Variants in ARHGAP26 observed in about 807,000 individuals in gnomAD.
ARHGAP26 encodes the protein Rho GTPase activating protein 26, also known as rho GTPase-activating protein 26.
A neutral mutation model predicts 104.8 loss-of-function variants in ARHGAP26; 38 were observed. The ratio of observed to expected loss-of-function variants is 0.36; its 90% CI spans 0.28 to 0.48. The LOEUF (loss-of-function observed/expected upper bound fraction) is 0.48. Ranked by LOEUF, ARHGAP26 falls within the 20% of genes least tolerant of loss-of-function variation. ARHGAP26 has a pLI of 0.99. For missense variants in ARHGAP26, 704 were observed against 947.9 expected (o/e 0.74, Z 3.38); for synonymous variants, 341 against 340.0 (o/e 1.00, Z -0.03).
intron 11 of ARHGAP26, among the ~76,000 whole-genome samples, chr5:143,011,406 A>G (rs1398530431): frequency 6.6e-6 from 1 of 150,896 alleles, no homozygotes; most frequent in Non-Finnish European, 1.5e-5. Flanking sequence ...GTAATTGGAA[A>G]GTTTTATGAG....
chr5:143,183,793 C>A (rs148453610), intron 20 of ARHGAP26, among the ~76,000 whole-genome samples: 376 of 152,292 alleles, frequency 2.5e-3, no homozygotes, highest in African/African-American at 8.4e-3. Context: ...CCTGTGGCTC[C>A]TCAGCAGTGT....
At chr5:143,005,589 AAC>A (rs1777831889) in intron 11 of ARHGAP26, among the ~76,000 whole-genome samples, 1 of 152,232 alleles carries the variant, frequency 6.6e-6, no homozygotes, top group East Asian at 1.9e-4. Flanking sequence ...ATGGATGTTG[AAC>A]AGTAGTATTC....
At chr5:143,188,397 G>A (rs1805454023) in intron 20 of ARHGAP26, among the ~76,000 whole-genome samples, 1 of 152,190 alleles carries the variant, frequency 6.6e-6, no homozygotes, top group Non-Finnish European at 1.5e-5. Context: ...TCTTGCTAAT[G>A]TTAGGACTTG....
At chr5:143,196,865 G>A (rs1203405950) in intron 20 of ARHGAP26, among the ~76,000 whole-genome samples, 1 of 152,152 alleles carries the variant, frequency 6.6e-6, no homozygotes, top group South Asian at 2.1e-4. Context: ...ACATGTCCTC[G>A]GATGACCTCA....
chr5:143,110,657 G>A (rs975024713), intron 17 of ARHGAP26, among the ~76,000 whole-genome samples: 1 of 152,192 alleles, frequency 6.6e-6, no homozygotes, highest in African/African-American at 2.4e-5. Flanking sequence ...GATAATGAAT[G>A]TGGAAGCATT....
intron 3 of ARHGAP26, among the ~76,000 whole-genome samples, chr5:142,877,348 G>C (rs10515517): frequency 6.6e-6 from 1 of 152,118 alleles, no homozygotes; most frequent in South Asian, 2.1e-4. Flanking sequence ...TTAACATCCA[G>C]TTCGTGCTTC....
chr5:143,045,115 A>G (rs1784042774), intron 14 of ARHGAP26, among the ~76,000 whole-genome samples: 1 of 152,204 alleles, frequency 6.6e-6, no homozygotes, highest in Admixed American at 6.5e-5. Context: ...TGTTTTTATC[A>G]CTTTTCTTAG....
At chr5:142,828,100 G>A (rs537574211) in intron 1 of ARHGAP26, among the ~76,000 whole-genome samples, 1 of 152,296 alleles carries the variant, frequency 6.6e-6, no homozygotes, top group African/African-American at 2.4e-5. Flanking sequence ...CCTGGATCAA[G>A]TTTCCTCTAC....
At chr5:143,162,398 C>T (rs1801374552) in intron 20 of ARHGAP26, among the ~76,000 whole-genome samples, 1 of 152,074 alleles carries the variant, frequency 6.6e-6, no homozygotes, top group Admixed American at 6.6e-5. Flanking sequence ...CATGACAGCA[C>T]TTAAAATGTT....
chr5:142,953,128 T>C (rs553104337), intron 11 of ARHGAP26, among the ~76,000 whole-genome samples: 1 of 152,316 alleles, frequency 6.6e-6, no homozygotes, highest in South Asian at 2.1e-4. Context: ...CTTGACAAAA[T>C]GAACGCCCAC....
intron 11 of ARHGAP26, among the ~76,000 whole-genome samples, chr5:142,941,578 T>G (rs1237333944): frequency 6.6e-6 from 1 of 152,214 alleles, no homozygotes; most frequent in Non-Finnish European, 1.5e-5. Context: ...TTGTGTCATG[T>G]GAGTGCTTTT....
At chr5:142,893,474 G>C (rs1293802422) in intron 5 of ARHGAP26, among the ~76,000 whole-genome samples, 1 of 152,138 alleles carries the variant, frequency 6.6e-6, no homozygotes, top group African/African-American at 2.4e-5. Context: ...ATAGCAGTCT[G>C]TGTGTGTGTA....
chr5:142,903,632 C>A lies in ARHGAP26; in HGVS notation c.795C>A (p.Pro265=). ...ENPLEHKTIS[P]YTMEGYLYVQ... is the part of the protein sequence containing the mutation. ...CCCTTGAGCACAAGACCATCAGTCC[C>A]TACACCATGGAGGGATACCTCTACG... The change falls in exon 8 of 23, where the codon CCC becomes CCA. Residue 265 remains proline, a synonymous_variant. Coordinates refer to ENST00000645722, the MANE Select transcript of ARHGAP26 (RefSeq NM_001135608.3). 1 of 1,614,020 alleles carries A rather than the reference C, an allele frequency of 6.2e-7. No homozygotes were observed. Among genetic ancestry groups the A allele is most frequent in the Non-Finnish European group, 8.5e-7 (1 of 1,179,942 alleles).
At chr5:142,772,731 T>A (rs1474412121) in intron 1 of ARHGAP26, 1 of 533,080 alleles carries the variant, frequency 1.9e-6, no homozygotes, top group Non-Finnish European at 3.8e-6. Context: ...AGAGATGGAG[T>A]CCCTGCCAGT....
At chr5:142,997,401 C>A (rs1333048621) in intron 11 of ARHGAP26, among the ~76,000 whole-genome samples, 1 of 151,886 alleles carries the variant, frequency 6.6e-6, no homozygotes, top group East Asian at 1.9e-4. Context: ...TATCATTTTC[C>A]TTTTTCTTTT....
intron 11 of ARHGAP26, among the ~76,000 whole-genome samples, chr5:142,988,589 T>C (rs897359913): frequency 6.6e-6 from 1 of 152,212 alleles, no homozygotes; most frequent in Admixed American, 6.5e-5. Context: ...TGTTAGGGTG[T>C]CAATTTTAGA....
At chr5:143,106,576 G>A (rs1218708004) in intron 17 of ARHGAP26, among the ~76,000 whole-genome samples, 1 of 148,092 alleles carries the variant, frequency 6.8e-6, no homozygotes, top group South Asian at 2.2e-4. Context: ...GGGTTCAGGC[G>A]ATTCTCCTGC....
rs73290433 is a variant in ARHGAP26, at chr5:142,942,557, T to C, written c.1107+10432T>C. On this transcript the variant is annotated intron_variant, in intron 11 of 22. Transcript: ENST00000645722. ...CTGCATTCATATTTGAAGGAAACAA[T>C]AAATTTAGAAGTTAATGAAAATAAA... Among the ~76,000 whole-genome samples, 826 of 152,310 alleles carry C rather than the reference T, an allele frequency of 5.4e-3. 3 individuals carry two copies. The highest frequency in any genetic ancestry group is 0.019 in the African/African-American group (792 of 41,554).
At chr5:143,059,523 C>T (rs1786381436) in intron 17 of ARHGAP26, among the ~76,000 whole-genome samples, 1 of 152,166 alleles carries the variant, frequency 6.6e-6, no homozygotes, top group African/African-American at 2.4e-5. Flanking sequence ...TGTTCATCTC[C>T]TGGTTGGATG....
Sources: gnomAD v4.1 joint callset for allele counts (sites outside exome capture counted in the v4.1 genomes callset) on GRCh38, gnomAD v4.1.1 for gene constraint, MANE v1.5 for transcripts, NCBI Gene and HGNC (gene_info 2026-07-23, HGNC 2026-07-21) for gene names.